DIAPH2: variants seen among roughly 807,000 people sequenced by gnomAD.
The protein encoded by DIAPH2 is protein diaphanous homolog 2.
Under a neutral mutation model 92.7 loss-of-function variants are expected in DIAPH2, and 35 were observed. The ratio of observed to expected loss-of-function variants is 0.38; its 90% CI spans 0.29 to 0.50. The LOEUF is 0.50. DIAPH2 is among the 20% of genes least tolerant of loss of function. DIAPH2 has a pLI of 0.94. For missense variants in DIAPH2, 701 were observed against 819.5 expected (o/e 0.86, Z 1.77); for synonymous variants, 301 against 280.4 (o/e 1.07, Z -0.73).
chrX:97,272,953 C>T (rs1186632019), intron 23 of DIAPH2, among the ~76,000 whole-genome samples: 1 of 111,391 alleles, frequency 9.0e-6, no homozygotes, highest in East Asian at 2.8e-4. Context: ...GTTGGGAGTT[C>T]GAGACCAGCC....
At chrX:96,897,344 A>G (rs1460561362) in intron 5 of DIAPH2, among the ~76,000 whole-genome samples, 2 of 110,241 alleles carry the variant, frequency 1.8e-5, no homozygotes, top group African/African-American at 6.6e-5. Context: ...ACATCCGCCC[A>G]CTTACTTTGA....
chrX:97,179,180 TGTTAACATGTTCATTG>T (rs2067518729), intron 22 of DIAPH2, among the ~76,000 whole-genome samples: 1 of 110,478 alleles, frequency 9.1e-6, no homozygotes, highest in African/African-American at 3.3e-5. Context: ...AATGTGCATG[TGTTAACATGTTCATTG>T]GTTCAATGCG....
intron 26 of DIAPH2, among the ~76,000 whole-genome samples, chrX:97,528,214 A>G (rs145978336): frequency 2.1e-4 from 24 of 112,511 alleles, no homozygotes; most frequent in African/African-American, 7.1e-4. Context: ...GAGCCACACT[A>G]TAAGGAGATG....
chrX:97,422,036 A>G (rs370518272), intron 25 of DIAPH2, among the ~76,000 whole-genome samples: 2 of 111,934 alleles, frequency 1.8e-5, no homozygotes, highest in African/African-American at 6.5e-5. Context: ...ATATATGATG[A>G]TAGATATTCA....
At chrX:97,150,555 C>T (rs936460421) in intron 22 of DIAPH2, among the ~76,000 whole-genome samples, 46 of 111,780 alleles carry the variant, frequency 4.1e-4, no homozygotes, top group Admixed American at 3.8e-3. Context: ...ATCTGAAAAG[C>T]CTCCTCCTTG....
intron 4 of DIAPH2, among the ~76,000 whole-genome samples, chrX:96,849,105 CTTTTA>C (rs1394220160): frequency 1.8e-5 from 2 of 111,619 alleles, no homozygotes; most frequent in Admixed American, 9.5e-5. Flanking sequence ...CTTCTCAGCC[CTTTTA>C]TTTATTTTTT....
intron 26 of DIAPH2, among the ~76,000 whole-genome samples, chrX:97,447,163 TTTTC>T (rs2070318696): frequency 3.6e-5 from 4 of 111,477 alleles, no homozygotes; most frequent in Middle Eastern, 4.6e-3. Flanking sequence ...TGGTTTCTGG[TTTTC>T]TTTTTCTTTT....
chrX:96,814,333 G>T (rs1417825677), intron 4 of DIAPH2, among the ~76,000 whole-genome samples: 1 of 111,579 alleles, frequency 9.0e-6, no homozygotes, highest in African/African-American at 3.3e-5. Flanking sequence ...TGAAGCTTGT[G>T]CACGCGTCAC....
At chrX:96,875,672 C>A (rs1185829635) in intron 4 of DIAPH2, among the ~76,000 whole-genome samples, 1 of 110,841 alleles carries the variant, frequency 9.0e-6, no homozygotes, top group Non-Finnish European at 1.9e-5. Flanking sequence ...AACCTGATGA[C>A]AGTAATTTTC....
At chrX:96,733,370 A>G (rs1367383765) in intron 1 of DIAPH2, among the ~76,000 whole-genome samples, 1 of 111,221 alleles carries the variant, frequency 9.0e-6, no homozygotes, top group Non-Finnish European at 1.9e-5. Flanking sequence ...CATATGGGCC[A>G]TGGAGAAAGA....
rs540429102 is a variant in DIAPH2 at position 96,705,653 on chromosome X, T to A, written c.132+20463T>A. ...CCATCTCCACACTATTGATCTGAAA[T>A]GTGCAGTACATTGAAAAACGTAAAA... is the stretch of plus-strand genomic sequence containing the variant. On this transcript the variant is annotated intron_variant, in intron 1 of 26. Transcript: ENST00000324765. 1.2e-4 allele frequency among the ~76,000 whole-genome samples: 13 copies of A among 112,453 alleles called. No homozygotes were observed. The South Asian group carries it at 2.6e-3, about 22-fold the overall frequency.
chrX:97,056,953 C>A (rs2147898667), intron 17 of DIAPH2, among the ~76,000 whole-genome samples: 1 of 111,590 alleles, frequency 9.0e-6, no homozygotes, highest in East Asian at 2.8e-4. Flanking sequence ...CGGGTCTGAG[C>A]CGAAGCTTTT....
chrX:97,419,310 T>G (rs746672755), intron 25 of DIAPH2, among the ~76,000 whole-genome samples: 1 of 111,974 alleles, frequency 8.9e-6, no homozygotes, highest in East Asian at 2.8e-4. Flanking sequence ...AGTAAATATT[T>G]TAGGCTTTGT....
intron 26 of DIAPH2, among the ~76,000 whole-genome samples, chrX:97,434,821 A>G (rs969379887): frequency 6.2e-5 from 7 of 112,038 alleles, no homozygotes; most frequent in Non-Finnish European, 9.4e-5. Context: ...TGAGGTCAAG[A>G]TGTCCAGAAG....
chrX:97,576,436 CAGAG>C (rs1344594053), intron 26 of DIAPH2, among the ~76,000 whole-genome samples: 1 of 111,108 alleles, frequency 9.0e-6, no homozygotes, highest in African/African-American at 3.3e-5. Flanking sequence ...AGCATAGAAA[CAGAG>C]AAAGATTAAA....
intron 24 of DIAPH2, among the ~76,000 whole-genome samples, chrX:97,377,244 C>T (rs982687657): frequency 4.5e-5 from 5 of 112,349 alleles, no homozygotes; most frequent in African/African-American, 1.3e-4. Flanking sequence ...AGTAGGTGTA[C>T]ACTCTAAATG....
intron 23 of DIAPH2, among the ~76,000 whole-genome samples, chrX:97,336,543 C>G (rs939969846): frequency 7.3e-5 from 8 of 109,775 alleles, no homozygotes; most frequent in Non-Finnish European, 1.1e-4. Context: ...GCCACAGCTC[C>G]CAGCCTGCAG....
At chrX:96,811,096 A>C (rs2064676194) in intron 4 of DIAPH2, among the ~76,000 whole-genome samples, 2 of 111,769 alleles carry the variant, frequency 1.8e-5, no homozygotes, top group South Asian at 3.8e-4. Context: ...TGAATCTATA[A>C]ATTACCTTGG....
chrX:97,597,725 C>A (rs755322675), intron 26 of DIAPH2, among the ~76,000 whole-genome samples: 2 of 111,075 alleles, frequency 1.8e-5, no homozygotes, highest in Non-Finnish European at 3.8e-5. Flanking sequence ...CCAGTGACAT[C>A]TAAGTAATAA....
Sources: allele counts gnomAD v4.1 joint callset (sites outside exome capture counted in the v4.1 genomes callset), GRCh38; gene constraint gnomAD v4.1.1; transcripts MANE v1.5; gene names NCBI Gene and HGNC (gene_info 2026-07-23, HGNC 2026-07-21).